GABBR2: variants seen among roughly 807,000 people sequenced by gnomAD.
GABBR2 encodes gamma-aminobutyric acid type B receptor subunit 2, also known as G-protein coupled receptor 51.
Under a neutral mutation model 105.6 loss-of-function variants are expected in GABBR2, and 23 were observed. The observed-to-expected ratio is 0.22, with a 90% CI of 0.16 to 0.31. The LOEUF (loss-of-function observed/expected upper bound fraction) is 0.31, where lower values mean the gene tolerates loss of function less well. Among genes scored for constraint, GABBR2 ranks in the 10% least tolerant of loss-of-function variants. The pLI, the probability that GABBR2 is intolerant of heterozygous loss-of-function variation, is 1.00. For synonymous variants in GABBR2, 478 were observed against 499.7 expected, an observed-to-expected ratio of 0.96 and a Z score of 0.58; for missense variants, 734 against 1,245.5, an observed-to-expected ratio of 0.59 and a Z score of 6.18.
intron 1 of GABBR2, among the ~76,000 whole-genome samples, chr9:98,602,345 AC>A (rs1829351333): frequency 6.7e-6 from 1 of 150,190 alleles, no homozygotes; most frequent in African/African-American, 2.5e-5. Flanking sequence ...GGTGGCAGGC[AC>A]CCGTAATCCC....
intron 6 of GABBR2, among the ~76,000 whole-genome samples, chr9:98,458,643 T>C (rs896271469): frequency 1.3e-5 from 2 of 152,200 alleles, no homozygotes; most frequent in Non-Finnish European, 2.9e-5. Context: ...AGGCAGAGGT[T>C]GCAGTGAGCC....
intron 2 of GABBR2, among the ~76,000 whole-genome samples, chr9:98,551,604 T>C (rs929762437): frequency 6.6e-6 from 1 of 151,988 alleles, no homozygotes; most frequent in Non-Finnish European, 1.5e-5. Context: ...ACCAGCAGCA[T>C]GGGGTGGGAA....
intron 7 of GABBR2, among the ~76,000 whole-genome samples, chr9:98,429,676 G>T (rs1476288583): frequency 6.6e-6 from 1 of 152,192 alleles, no homozygotes; most frequent in Non-Finnish European, 1.5e-5. Flanking sequence ...CAGGACCAAA[G>T]CTTGTTGAGG....
intron 11 of GABBR2, among the ~76,000 whole-genome samples, chr9:98,378,640 G>A (rs1020280000): frequency 6.6e-5 from 10 of 152,146 alleles, no homozygotes; most frequent in African/African-American, 2.4e-5. Context: ...TTCTAGACCC[G>A]CTGCATTCCA....
chr9:98,368,355 A>AGT lies in GABBR2; in HGVS notation c.1770+3107_1770+3108dup, dbSNP rs369001856. Among the ~76,000 whole-genome samples the AGT allele has an allele frequency of 1.3e-3, 193 of 152,210 alleles. 1 individual carries two copies. The highest frequency in any genetic ancestry group is 4.4e-3 in the African/African-American group (181 of 41,554). The stretch of plus-strand genomic sequence containing the variant: ...TTAAAAAGTTAAAAAAGGTTAAAAA[A>AGT]GTGTGTGTGTGGGAGGCTTGTTTCT... On this transcript the variant is annotated intron_variant, in intron 12 of 18. Coordinates refer to ENST00000259455, the MANE Select transcript of GABBR2 (RefSeq NM_005458.8).
intron 12 of GABBR2, among the ~76,000 whole-genome samples, chr9:98,370,595 C>A (rs965172266): frequency 1.5e-4 from 23 of 152,280 alleles, no homozygotes; most frequent in African/African-American, 5.5e-4. Context: ...CTGCTGCAGG[C>A]CTGAGCTGGG....
At chr9:98,508,387 A>T (rs927803674) in intron 3 of GABBR2, among the ~76,000 whole-genome samples, 1 of 152,256 alleles carries the variant, frequency 6.6e-6, no homozygotes, top group Non-Finnish European at 1.5e-5. Flanking sequence ...TACCGGGTTC[A>T]TCTCACTGGG....
intron 7 of GABBR2, among the ~76,000 whole-genome samples, chr9:98,442,008 T>C (rs1019451392): frequency 6.6e-6 from 1 of 152,248 alleles, no homozygotes; most frequent in South Asian, 2.1e-4. Flanking sequence ...GATTTCTCTT[T>C]GGTGCGTGCC....
At chr9:98,351,715 C>G (rs1039546062) in intron 13 of GABBR2, among the ~76,000 whole-genome samples, 6 of 152,170 alleles carry the variant, frequency 3.9e-5, no homozygotes, top group African/African-American at 1.4e-4. Flanking sequence ...ATTCAGATCT[C>G]AAATAGTTTT....
At chr9:98,392,316 T>G (rs776622983) in intron 9 of GABBR2, among the ~76,000 whole-genome samples, 8 of 152,210 alleles carry the variant, frequency 5.3e-5, no homozygotes, top group Non-Finnish European at 1.0e-4. Flanking sequence ...AATCTTTTCT[T>G]CAATTCGTAA....
intron 1 of GABBR2, among the ~76,000 whole-genome samples, chr9:98,589,122 T>C (rs1308048383): frequency 1.3e-5 from 2 of 152,136 alleles, no homozygotes; most frequent in Non-Finnish European, 2.9e-5. Context: ...TTCTGGCCAG[T>C]GTAAGACCTG....
At chr9:98,517,632 C>G (rs1411460798) in intron 3 of GABBR2, among the ~76,000 whole-genome samples, 2 of 152,226 alleles carry the variant, frequency 1.3e-5, no homozygotes, top group Non-Finnish European at 2.9e-5. Flanking sequence ...GTACACTAAT[C>G]CAACTAGTAT....
intron 1 of GABBR2, among the ~76,000 whole-genome samples, chr9:98,587,693 A>G (rs1312875957): frequency 6.6e-6 from 1 of 152,198 alleles, no homozygotes; most frequent in Non-Finnish European, 1.5e-5. Context: ...AAGGGCTTTA[A>G]TCAATACCAT....
intron 1 of GABBR2, among the ~76,000 whole-genome samples, chr9:98,641,225 C>G (rs929890283): frequency 2.0e-4 from 31 of 151,468 alleles, no homozygotes; most frequent in African/African-American, 7.0e-4. Flanking sequence ...CCTCTGCCTC[C>G]TGGGTTCAAG....
At chr9:98,671,662 C>T (rs1405155644) in intron 1 of GABBR2, among the ~76,000 whole-genome samples, 1 of 152,160 alleles carries the variant, frequency 6.6e-6, no homozygotes, top group Admixed American at 6.5e-5. Context: ...TTGTTATTAT[C>T]TGACTTTGGA....
intron 11 of GABBR2, among the ~76,000 whole-genome samples, chr9:98,373,851 C>CTTTTTTTTTTTT (rs577915397): frequency 6.9e-5 from 6 of 86,692 alleles, no homozygotes; most frequent in African/African-American, 2.5e-4. Context: ...CAAAGCATTC[C>CTTTTTTTTTTTT]TTTTTTTTTT....
chr9:98,672,177 C>A (rs76562913), intron 1 of GABBR2, among the ~76,000 whole-genome samples: 1 of 152,088 alleles, frequency 6.6e-6, no homozygotes, highest in Non-Finnish European at 1.5e-5. Flanking sequence ...CTTTGCAAAA[C>A]TGAAACTTTA....
rs534738651 is a variant in GABBR2 at position 98,406,124 on chromosome 9, C to A, written c.1254G>T (p.Arg418=). The A allele has an allele frequency of 3.8e-6, 6 of 1,583,616 alleles. No homozygotes were observed. The highest frequency in any genetic ancestry group is 8.6e-7 in the Non-Finnish European group (1 of 1,163,424). ...TAATGGTCCCCATTCTCTCCCCATT[C>A]CGGAATACAACTTGACCCTAAAAAC... ...FFGVTGQVVF[R]NGERMGTIKF... The change falls in exon 8 of 19, where the codon CGG becomes CGT. Residue 418 remains arginine (R), a synonymous_variant. Coordinates refer to ENST00000259455, the MANE Select transcript of GABBR2 (RefSeq NM_005458.8).
At chr9:98,409,271 G>T (rs1273824671) in intron 7 of GABBR2, among the ~76,000 whole-genome samples, 1 of 152,192 alleles carries the variant, frequency 6.6e-6, no homozygotes, top group Non-Finnish European at 1.5e-5. Flanking sequence ...GAGGTGAAGC[G>T]GAGCAGCCTG....
Sources: allele counts gnomAD v4.1 joint callset (sites outside exome capture counted in the v4.1 genomes callset), GRCh38; gene constraint gnomAD v4.1.1; transcripts MANE v1.5; gene names NCBI Gene and HGNC (gene_info 2026-07-23, HGNC 2026-07-21).